DIS3L2: variants seen among roughly 807,000 people sequenced by gnomAD.
DIS3L2 encodes the protein DIS3-like exonuclease 2.
In DIS3L2, 34 loss-of-function variants were observed where a neutral mutation model predicts 97.5. The ratio of observed to expected loss-of-function variants is 0.35; its 90% CI spans 0.27 to 0.46. The LOEUF is 0.46. Among genes scored for constraint, DIS3L2 ranks in the 20% least tolerant of loss-of-function variants. The probability of loss-of-function intolerance (pLI) is 1.00; values close to 1 mark genes in which losing one functional copy is unlikely to be tolerated. For synonymous variants in DIS3L2, 435 were observed against 445.2 expected, an observed-to-expected ratio of 0.98 and a Z score of 0.29; for missense variants, 1,038 against 1,146.0, an observed-to-expected ratio of 0.91 and a Z score of 1.36.
chr2:232,239,202 A>G (rs914334435), intron 11 of DIS3L2, among the ~76,000 whole-genome samples: 8 of 152,204 alleles, frequency 5.3e-5, no homozygotes, highest in African/African-American at 1.7e-4. Context: ...CTAAGTGTCT[A>G]CAGACCTCCC....
In DIS3L2 at chr2:232,260,067, C is replaced by T. The variant is rs1379093864; in HGVS notation, c.1426-3140C>T. ...ACCGCAGACCCTGGGAGGCTGCAGA[C>T]CCTGTGACCTGAATGCTGGATGCTG... On this transcript the variant is annotated intron_variant, in intron 12 of 20. Transcript: ENST00000325385. The T allele has an allele frequency of 3.3e-5, 5 of 152,266 alleles. No individual in the cohort carries two copies. In the East Asian group the frequency reaches 9.6e-4, roughly 29 times the overall value. The allele number at this position is 152,266 out of a possible 1,614,324, so 9.4% of individuals were successfully genotyped here. A position where few individuals can be genotyped will look rare whatever the true frequency, so the allele number is the denominator to read the frequency against.
intron 3 of DIS3L2, among the ~76,000 whole-genome samples, chr2:232,020,419 G>A (rs78653459): frequency 1.3e-3 from 205 of 152,214 alleles, no homozygotes; most frequent in African/African-American, 4.5e-3. Flanking sequence ...ATGGATGTGG[G>A]GCTAGAACTG....
chr2:232,111,900 A>G (rs1697547964), intron 6 of DIS3L2, among the ~76,000 whole-genome samples: 1 of 152,214 alleles, frequency 6.6e-6, no homozygotes, highest in African/African-American at 2.4e-5. Context: ...AGAAGCAAAT[A>G]TGTGCTCCTA....
Position 232,336,486 on chromosome 2 carries a change from C to A in DIS3L2, c.2514C>A (p.Ser838Arg). The A allele has an allele frequency of 1.9e-6, 3 of 1,611,316 alleles. No individual in the cohort carries two copies. Among genetic ancestry groups the A allele is most frequent in the Non-Finnish European group, 2.5e-6 (3 of 1,179,508 alleles). Reference protein sequence around the residue: ...EPAQQVITIFSLVEVVLQAES... With the variant: ...EPAQQVITIFRLVEVVLQAES... ...CTGCACAGGTCATCACCATCTTCAGCCTGGTGGAGGTGGTCCTGCAGGCAG... is the reference window on the plus strand; with the variant it reads ...CTGCACAGGTCATCACCATCTTCAGACTGGTGGAGGTGGTCCTGCAGGCAG... The change falls in exon 21 of 21, where the codon AGC becomes AGA. Residue 838 changes from serine to arginine, a missense_variant. Physicochemically the swap from Ser to Arg is moderately radical, Grantham distance 110. This residue lies in a region of DIS3L2 where 221 missense variants were observed against 246.9 expected (regional missense o/e 0.90). Coordinates refer to ENST00000325385, the MANE Select transcript of DIS3L2 (RefSeq NM_152383.5).
At chr2:232,270,899 T>C (rs918814871) in intron 13 of DIS3L2, among the ~76,000 whole-genome samples, 1 of 149,146 alleles carries the variant, frequency 6.7e-6, no homozygotes, top group Non-Finnish European at 1.5e-5. Context: ...TCTCTCTCTC[T>C]CTCTCTCTCT....
intron 5 of DIS3L2, among the ~76,000 whole-genome samples, chr2:232,084,584 G>A (rs2106304004): frequency 6.6e-6 from 1 of 152,292 alleles, no homozygotes; most frequent in East Asian, 1.9e-4. Flanking sequence ...TCTTTTTGGA[G>A]ATTGCTGGCC....
In DIS3L2 at chr2:232,136,715, C is replaced by G. The variant is rs1574902661; in HGVS notation, c.946C>G (p.Leu316Val). 2 of 1,613,442 alleles carry G rather than the reference C, an allele frequency of 1.2e-6. No homozygotes were observed. Among genetic ancestry groups the G allele is most frequent in the African/African-American group, 1.3e-5 (1 of 75,002 alleles). The change falls in exon 8 of 21, where the codon CTG (leucine) becomes GTG (valine). Residue 316 changes from leucine to valine, a missense_variant. Around this residue, in one of 3 missense-constraint regions of DIS3L2, gnomAD observed 813 missense variants for 880.1 expected, o/e 0.92. Transcript: ENST00000325385. ...VDWKEDCNFA[L>V]GQLAKSLGQA... The stretch of plus-strand genomic sequence containing the variant: ...CTGGAAGGAGGACTGCAATTTTGCC[C>G]TGGGGTAGGTGATCTCTGGTAGGAA...
intron 5 of DIS3L2, among the ~76,000 whole-genome samples, chr2:232,035,597 T>C (rs1694929541): frequency 6.6e-6 from 1 of 152,238 alleles, no homozygotes; most frequent in Non-Finnish European, 1.5e-5. Context: ...ATAGTGTCAA[T>C]GATCTTTACA....
chr2:232,334,317 C>A, intron 17 of DIS3L2, 52 bp from the exon 18 acceptor site: 1 of 1,591,502 alleles, frequency 6.3e-7, no homozygotes, highest in South Asian at 1.1e-5. Context: ...CCAGCCATAG[C>A]TCTTCCCAGC....
At chr2:232,176,949 T>TC (rs1691183382) in intron 9 of DIS3L2, among the ~76,000 whole-genome samples, 3 of 132,178 alleles carry the variant, frequency 2.3e-5, no homozygotes, top group South Asian at 2.8e-4. Context: ...ATGCTATCCC[T>TC]CCCCCCTCCC....
intron 1 of DIS3L2, among the ~76,000 whole-genome samples, chr2:231,992,101 C>G (rs1471597541): frequency 6.6e-6 from 1 of 152,160 alleles, no homozygotes; most frequent in African/African-American, 2.4e-5. Flanking sequence ...TCATTTCCCA[C>G]TGTGTATTCT....
chr2:232,116,041 G>A (rs570690219), intron 6 of DIS3L2, among the ~76,000 whole-genome samples: 16 of 152,082 alleles, frequency 1.1e-4, no homozygotes, highest in Admixed American at 3.9e-4. Context: ...GCATGGTGCC[G>A]GACACTTGTA....
At chr2:232,041,758 A>G (rs890908995) in intron 5 of DIS3L2, among the ~76,000 whole-genome samples, 8 of 152,240 alleles carry the variant, frequency 5.3e-5, no homozygotes, top group Admixed American at 5.2e-4. Context: ...GATGGATTTC[A>G]AGTGAAACTT....
chr2:232,201,638 C>G (rs1239904044), intron 9 of DIS3L2, among the ~76,000 whole-genome samples: 1 of 152,158 alleles, frequency 6.6e-6, no homozygotes, highest in African/African-American at 2.4e-5. Context: ...TAAACGTGGT[C>G]TATGAATTGG....
chr2:232,070,056 A>G (rs1333002783), intron 5 of DIS3L2, among the ~76,000 whole-genome samples: 1 of 152,244 alleles, frequency 6.6e-6, no homozygotes, highest in East Asian at 1.9e-4. Context: ...AGTCAAAGAA[A>G]AGCAACCACC....
In DIS3L2 at chr2:232,325,681, G is replaced by GC. The variant is rs1266924671; in HGVS notation, c.1740-4127dup. Among the ~76,000 whole-genome samples the GC allele has an allele frequency of 3.9e-5, 6 of 152,204 alleles. No individual in the cohort carries two copies. The highest frequency in any genetic ancestry group is 8.8e-5 in the Non-Finnish European group (6 of 68,036). ...GGCTGATGCCAGGCCTGGATCCAAG[G>GC]CCCCCGTCTCCGAGGCCTTAGCTTG... On this transcript the variant is annotated intron_variant, in intron 14 of 20. Transcript: ENST00000325385. This position sits in a 1 kb window ranked among gnomAD's most constrained non-coding sequence, Gnocchi z 4.6.
At chr2:231,970,998 A>G (rs1197968113) in intron 1 of DIS3L2, among the ~76,000 whole-genome samples, 1 of 152,166 alleles carries the variant, frequency 6.6e-6, no homozygotes, top group African/African-American at 2.4e-5. Context: ...ACATAGAGTC[A>G]GGTTCATCAG....
rs551621006 is a variant in DIS3L2 at position 232,096,766 on chromosome 2, AT to A, written c.601+9053del. ...TTTTCAGCTCCAGATTTTCTGTTTG[AT>A]TTTTTTTAATCATTTCAATCTCTTT... On this transcript the variant is annotated intron_variant, in intron 6 of 20. Coordinates refer to ENST00000325385, the MANE Select transcript of DIS3L2 (RefSeq NM_152383.5). Among the ~76,000 whole-genome samples the A allele has an allele frequency of 7.9e-5, 12 of 151,632 alleles. No homozygotes were observed. In the South Asian group the frequency reaches 8.3e-4, roughly 11 times the overall value.
chr2:232,331,376 G>A (rs1575024644), intron 16 of DIS3L2, among the ~76,000 whole-genome samples: 1 of 152,326 alleles, frequency 6.6e-6, no homozygotes, highest in East Asian at 1.9e-4. Context: ...GGATGCTGAT[G>A]GGTCGGCTCT....
Sources: allele counts gnomAD v4.1 joint callset (sites outside exome capture counted in the v4.1 genomes callset), GRCh38; gene constraint gnomAD v4.1.1; regional missense constraint gnomAD v4.1.1; non-coding constraint Gnocchi (gnomAD v3.1); transcripts MANE v1.5; gene names NCBI Gene and HGNC (gene_info 2026-07-23, HGNC 2026-07-21).